CDH12: variants seen among roughly 807,000 people sequenced by gnomAD.
CDH12 encodes cadherin-12.
In CDH12, 41 loss-of-function variants were observed where a neutral mutation model predicts 74.1. That is an observed-to-expected ratio of 0.55 (90% CI 0.43 to 0.72). CDH12 has a LOEUF of 0.72. CDH12 is among the 30% of genes least tolerant of loss of function. CDH12 has a pLI of 0.00. For missense variants in CDH12, 945 were observed against 977.2 expected, an observed-to-expected ratio of 0.97 and a Z score of 0.44; for synonymous variants, 399 against 355.0, an observed-to-expected ratio of 1.12 and a Z score of -1.39.
chr5:22,026,627 G>C (rs74335886), intron 5 of CDH12, among the ~76,000 whole-genome samples: 1 of 152,040 alleles, frequency 6.6e-6, no homozygotes, highest in African/African-American at 2.4e-5. Flanking sequence ...GTTAGATTAG[G>C]GTTCAGATCA....
chr5:22,079,980 G>T (rs1348520317), intron 4 of CDH12, among the ~76,000 whole-genome samples: 5 of 151,986 alleles, frequency 3.3e-5, no homozygotes, highest in Admixed American at 2.0e-4. Context: ...TTGCACTGAG[G>T]TCTAAAGGAA....
At chr5:21,995,118 T>C (rs542846536) in intron 5 of CDH12, among the ~76,000 whole-genome samples, 32 of 152,022 alleles carry the variant, frequency 2.1e-4, no homozygotes, top group African/African-American at 7.2e-4. Flanking sequence ...CATCTGAACA[T>C]TGGAAGGAAC....
intron 2 of CDH12, among the ~76,000 whole-genome samples, chr5:22,461,027 T>C (rs1334116055): frequency 7.6e-6 from 1 of 132,154 alleles, no homozygotes; most frequent in Non-Finnish European, 1.6e-5. Flanking sequence ...GGCCAATGTC[T>C]AGCTTTTTTT....
intron 3 of CDH12, among the ~76,000 whole-genome samples, chr5:22,286,003 A>G (rs1480773846): frequency 2.0e-5 from 3 of 152,132 alleles, no homozygotes; most frequent in Non-Finnish European, 4.4e-5. Flanking sequence ...TATTTTTATC[A>G]ATTATTCCAT....
chr5:21,780,154 T>A (rs1176972420), intron 11 of CDH12, among the ~76,000 whole-genome samples: 1 of 152,322 alleles, frequency 6.6e-6, no homozygotes, highest in Middle Eastern at 3.4e-3. Context: ...CATAACTTAT[T>A]AGCCTCCATA....
At chr5:22,220,711 T>C (rs1751984261) in intron 3 of CDH12, among the ~76,000 whole-genome samples, 1 of 151,674 alleles carries the variant, frequency 6.6e-6, no homozygotes, top group South Asian at 2.1e-4. Context: ...CTACATAAAA[T>C]TGAGGTTTAA....
At position 22,848,279 on chromosome 5, in the gene CDH12, CT is replaced by C. The variant is rs1014132492; in HGVS notation, c.-523+4778del. Among the ~76,000 whole-genome samples the C allele has an allele frequency of 3.3e-5, 5 of 152,218 alleles. No homozygotes were observed. The South Asian group carries it at 6.2e-4, about 19-fold the overall frequency. ...TCCATGTCTGTCCATTGAAAGCATTCTTTTTTTAACCTTCAAGTGATTGTTT... is the reference window on the plus strand; with the variant it reads ...TCCATGTCTGTCCATTGAAAGCATTCTTTTTTAACCTTCAAGTGATTGTTT... On this transcript the variant is annotated intron_variant, in intron 1 of 14. Coordinates refer to ENST00000382254, the MANE Select transcript of CDH12 (RefSeq NM_004061.5).
At chr5:22,691,495 A>C (rs1416104169) in intron 1 of CDH12, among the ~76,000 whole-genome samples, 1 of 152,216 alleles carries the variant, frequency 6.6e-6, no homozygotes, top group Admixed American at 6.6e-5. Flanking sequence ...TTGCATCATA[A>C]TACCTAACTG....
intron 4 of CDH12, among the ~76,000 whole-genome samples, chr5:22,191,439 A>C (rs570650751): frequency 2.0e-5 from 3 of 152,322 alleles, no homozygotes; most frequent in African/African-American, 7.2e-5. Context: ...AATGAATGAT[A>C]AATGGTGTCA....
In CDH12 at chr5:22,187,062, C is replaced by T. The variant is rs10066981; in HGVS notation, c.-187+25436G>A. The stretch of plus-strand genomic sequence containing the variant: ...TTTATAAAACAAAATAGATATTCAG[C>T]GTGGAAATTCAGAAAGGAAACACAT... On this transcript the variant is annotated intron_variant, in intron 4 of 14. Coordinates refer to ENST00000382254, the MANE Select transcript of CDH12 (RefSeq NM_004061.5). Among the ~76,000 whole-genome samples, 97 of 152,152 alleles carry T rather than the reference C, an allele frequency of 6.4e-4. 1 individual carries two copies. Among genetic ancestry groups the T allele is most frequent in the African/African-American group, 1.5e-3 (61 of 41,516 alleles).
chr5:22,644,775 C>T (rs2126875693), intron 1 of CDH12, among the ~76,000 whole-genome samples: 1 of 152,028 alleles, frequency 6.6e-6, no homozygotes, highest in Non-Finnish European at 1.5e-5. Flanking sequence ...CTTCAAAGGA[C>T]AGGGTGACTC....
Position 21,945,156 on chromosome 5 carries a change from G to A in CDH12, c.526+29935C>T, listed in dbSNP as rs192273045. 1.4e-4 allele frequency among the ~76,000 whole-genome samples: 22 copies of A among 152,192 alleles called. No homozygotes were observed. The East Asian group carries it at 2.1e-3, about 15-fold the overall frequency. On this transcript the variant is annotated intron_variant, in intron 6 of 14. Transcript: ENST00000382254. ...AAAAGGTGTTGGGGCTGGGCGCAGT[G>A]GCTCACACCTGTAATCCCAGCACTG...
chr5:21,897,688 A>G (rs928787091), intron 6 of CDH12, among the ~76,000 whole-genome samples: 6 of 152,238 alleles, frequency 3.9e-5, no homozygotes, highest in Non-Finnish European at 5.9e-5. Context: ...GTAAGATTTC[A>G]TAAATATTCC....
chr5:22,420,719 G>T (rs993233177), intron 2 of CDH12, among the ~76,000 whole-genome samples: 12 of 152,036 alleles, frequency 7.9e-5, no homozygotes, highest in African/African-American at 2.4e-4. Flanking sequence ...TTTTTTATAA[G>T]TCTGTGAAGA....
chr5:21,950,757 TTTA>T (rs71609723), intron 6 of CDH12, among the ~76,000 whole-genome samples: 3,755 of 136,944 alleles, frequency 0.027, 78 homozygotes, highest in African/African-American at 0.058. Context: ...TAAATTTTAT[TTTA>T]TTATTATTAT....
chr5:22,540,127 A>G (rs1362133232), intron 1 of CDH12, among the ~76,000 whole-genome samples: 4 of 152,110 alleles, frequency 2.6e-5, no homozygotes, highest in Admixed American at 2.6e-4. Context: ...ATCTTTTTTT[A>G]GCACAGAGCA....
chr5:22,526,767 G>C (rs1411508438), intron 1 of CDH12, among the ~76,000 whole-genome samples: 1 of 152,060 alleles, frequency 6.6e-6, no homozygotes, highest in Non-Finnish European at 1.5e-5. Context: ...CCAGAGGTGT[G>C]GTATTGCTTT....
chr5:22,809,269 C>T (rs897526440), intron 1 of CDH12, among the ~76,000 whole-genome samples: 4 of 151,886 alleles, frequency 2.6e-5, no homozygotes, highest in Non-Finnish European at 5.9e-5. Flanking sequence ...GTTATCACAA[C>T]TTTATCTGTT....
intron 2 of CDH12, among the ~76,000 whole-genome samples, chr5:22,501,924 T>C (rs1275079024): frequency 6.6e-6 from 1 of 152,086 alleles, no homozygotes; most frequent in Non-Finnish European, 1.5e-5. Context: ...AAGGCAATGT[T>C]TTCTGAGTGT....
Sources: gnomAD v4.1 joint callset for allele counts (sites outside exome capture counted in the v4.1 genomes callset) on GRCh38, gnomAD v4.1.1 for gene constraint, MANE v1.5 for transcripts, NCBI Gene and HGNC (gene_info 2026-07-23, HGNC 2026-07-21) for gene names.